SAMD12: variants seen among roughly 807,000 people sequenced by gnomAD.
SAMD12 encodes sterile alpha motif domain-containing protein 12.
A neutral mutation model predicts 15.0 loss-of-function variants in SAMD12; 9 were observed. The ratio of observed to expected loss-of-function variants is 0.60; its 90% CI spans 0.36 to 1.05. The LOEUF (loss-of-function observed/expected upper bound fraction) is 1.05. Ranked by LOEUF, SAMD12 falls within the 50% of genes least tolerant of loss-of-function variation. SAMD12 has a pLI of 0.01. For missense variants in SAMD12, 230 were observed against 234.2 expected, an observed-to-expected ratio of 0.98 and a Z score of 0.12; for synonymous variants, 86 against 90.1, an observed-to-expected ratio of 0.96 and a Z score of 0.25.
intron 2 of SAMD12, among the ~76,000 whole-genome samples, chr8:118,542,137 A>G (rs531146316): frequency 1.3e-5 from 2 of 152,328 alleles, no homozygotes; most frequent in South Asian, 4.1e-4. Flanking sequence ...AAAACTATTA[A>G]GCCAGTGAGA....
Position 118,489,783 on chromosome 8 carries a change from T to C in SAMD12, c.193-49822A>G, listed in dbSNP as rs531040648. ...GTTGTTATAATGGCTTCTGTTTTAT[T>C]GTGTTTCTTATGTTGGCTTTTCCTT... is the stretch of plus-strand genomic sequence containing the variant. On this transcript the variant is annotated intron_variant, in intron 2 of 3. Coordinates refer to ENST00000314727, the MANE Select transcript of SAMD12 (RefSeq NM_207506.3). Among the ~76,000 whole-genome samples the C allele has an allele frequency of 2.0e-5, 3 of 152,292 alleles. No individual in the cohort carries two copies. In the East Asian group the frequency reaches 5.8e-4, roughly 29 times the overall value.
chr8:118,238,851 TCACTC>T (rs1159006997), intron 4 of SAMD12, among the ~76,000 whole-genome samples: 1 of 152,176 alleles, frequency 6.6e-6, no homozygotes, highest in Non-Finnish European at 1.5e-5. Flanking sequence ...CAGTGGACTA[TCACTC>T]CAAGAGATTT....
intron 4 of SAMD12, among the ~76,000 whole-genome samples, chr8:118,289,175 G>A (rs973445068): frequency 6.6e-6 from 1 of 152,088 alleles, no homozygotes; most frequent in African/African-American, 2.4e-5. Context: ...TCATTTGGTG[G>A]AGTAAACCAG....
the SAMD12 span, among the ~76,000 whole-genome samples, chr8:118,172,338 A>T: frequency 6.6e-6 from 1 of 152,242 alleles, no homozygotes; most frequent in African/African-American, 2.4e-5. Flanking sequence ...AAAGAAAAAG[A>T]AACCTGAAAC....
chr8:118,138,797 A>G, the SAMD12 span, among the ~76,000 whole-genome samples: 1 of 152,316 alleles, frequency 6.6e-6, no homozygotes, highest in Middle Eastern at 3.4e-3. Context: ...CCAGTTCAGG[A>G]GGCTGCAGGA....
intron 4 of SAMD12, chr8:118,282,404 GC>G: frequency 2.2e-6 from 1 of 454,522 alleles, no homozygotes. Flanking sequence ...TCCAGCACCT[GC>G]CTATTCCTTC....
chr8:118,232,293 A>G (rs1457908469), intron 4 of SAMD12, among the ~76,000 whole-genome samples: 1 of 152,058 alleles, frequency 6.6e-6, no homozygotes, highest in Admixed American at 6.6e-5. Context: ...ATCCTGGGGG[A>G]TCAGAGGGAT....
rs957629805 is a variant in SAMD12, at chr8:118,617,180, T to C, written c.13+4624A>G. ...ATAAAAATGATGTTTTTATCTCCCA[T>C]GTGACTCCTTTTACTCTCTGTGATG... On this transcript the variant is annotated intron_variant, in intron 1 of 3. Coordinates refer to ENST00000314727, the MANE Select transcript of SAMD12 (RefSeq NM_207506.3). Among the ~76,000 whole-genome samples the C allele has an allele frequency of 2.0e-5, 3 of 152,234 alleles. 1 individual carries two copies. The highest frequency in any genetic ancestry group is 2.9e-5 in the Non-Finnish European group (2 of 68,036).
intron 1 of SAMD12, among the ~76,000 whole-genome samples, chr8:118,609,612 A>G (rs969047747): frequency 6.6e-6 from 1 of 152,206 alleles, no homozygotes; most frequent in Non-Finnish European, 1.5e-5. Context: ...ATCCAAAATC[A>G]TATCTTCTTT....
intron 2 of SAMD12, among the ~76,000 whole-genome samples, chr8:118,440,185 A>G (rs6985503): frequency 0.72 from 109,420 of 152,040 alleles, 39,711 homozygotes; most frequent in African/African-American, 0.81. Context: ...CATCTCTGCT[A>G]AGAAAAAATC....
chr8:118,444,651 A>C lies in SAMD12; in HGVS notation c.193-4690T>G, dbSNP rs562901013. 2.6e-5 allele frequency among the ~76,000 whole-genome samples: 4 copies of C among 152,222 alleles called. No individual in the cohort carries two copies. In the South Asian group the frequency reaches 8.3e-4, roughly 32 times the overall value. ...AACTAGAAAGAACTCTGAAGCATTC[A>C]GTTTTAAGTTCTCCAAGGTAAACTT... On this transcript the variant is annotated intron_variant, in intron 2 of 3. Transcript: ENST00000314727.
At chr8:118,543,179 A>C (rs1229064933) in intron 2 of SAMD12, among the ~76,000 whole-genome samples, 2 of 152,296 alleles carry the variant, frequency 1.3e-5, no homozygotes, top group Admixed American at 6.5e-5. Flanking sequence ...TTCCACGCCC[A>C]GGGTCCTGCA....
intron 3 of SAMD12, among the ~76,000 whole-genome samples, chr8:118,384,156 G>T (rs180918495): frequency 6.6e-6 from 1 of 152,252 alleles, no homozygotes; most frequent in East Asian, 1.9e-4. Flanking sequence ...AGGAATGACA[G>T]GGAGATTAGT....
chr8:118,159,277 G>A, the SAMD12 span, among the ~76,000 whole-genome samples: 1 of 152,176 alleles, frequency 6.6e-6, no homozygotes, highest in Non-Finnish European at 1.5e-5. Context: ...GAAGCTGCTT[G>A]TGGTACACCT....
rs1021471166 is a variant in SAMD12, at chr8:118,410,584, A to C, written c.322+29248T>G. On this transcript the variant is annotated intron_variant, in intron 3 of 3. Coordinates refer to ENST00000314727, the MANE Select transcript of SAMD12 (RefSeq NM_207506.3). ...AGGAGGAAGATACCCACTACAGAAG[A>C]AGCTCAATTATCCTGAGACAGTCAT... is the stretch of plus-strand genomic sequence containing the variant. Among the ~76,000 whole-genome samples, 6 of 152,326 alleles carry C rather than the reference A, an allele frequency of 3.9e-5. No individual in the cohort carries two copies. The East Asian group carries it at 9.6e-4, about 24-fold the overall frequency.
the SAMD12 span, among the ~76,000 whole-genome samples, chr8:118,138,248 A>G: frequency 6.6e-6 from 1 of 152,228 alleles, no homozygotes; most frequent in South Asian, 2.1e-4. Context: ...AAGATAATGT[A>G]TAGAAGCACT....
the SAMD12 span, among the ~76,000 whole-genome samples, chr8:118,154,047 C>G: frequency 6.6e-6 from 1 of 151,960 alleles, no homozygotes; most frequent in Non-Finnish European, 1.5e-5. Context: ...CCTCCCCAGT[C>G]CATCCACTAC....
At chr8:118,303,801 G>T (rs1815169595) in intron 4 of SAMD12, among the ~76,000 whole-genome samples, 1 of 152,146 alleles carries the variant, frequency 6.6e-6, no homozygotes, top group African/African-American at 2.4e-5. Context: ...TCTTGAGCCA[G>T]CAAAGGAAGA....
intron 3 of SAMD12, among the ~76,000 whole-genome samples, chr8:118,389,739 C>T (rs1022843541): frequency 3.3e-5 from 5 of 151,042 alleles, no homozygotes; most frequent in Non-Finnish European, 7.4e-5. Context: ...AAAAGATAGA[C>T]GGTAGTGGAC....
Sources: gnomAD v4.1 joint callset for allele counts (sites outside exome capture counted in the v4.1 genomes callset) on GRCh38, gnomAD v4.1.1 for gene constraint, MANE v1.5 for transcripts, NCBI Gene and HGNC (gene_info 2026-07-23, HGNC 2026-07-21) for gene names.